TMEM232: variants seen among roughly 807,000 people sequenced by gnomAD.
TMEM232 encodes transmembrane protein 232.
TMEM232 carries 80 observed loss-of-function variants against 78.8 expected under a neutral mutation model. That is an observed-to-expected ratio of 1.01 (90% CI 0.85 to 1.22). The LOEUF (loss-of-function observed/expected upper bound fraction) is 1.22, where lower values mean the gene tolerates loss of function less well. Ranked by LOEUF, TMEM232 falls within the 50% of genes most tolerant of loss-of-function variation. The pLI is 0.00. For synonymous variants in TMEM232, 297 were observed against 254.3 expected (o/e 1.17, Z -1.60); for missense variants, 881 against 742.2 (o/e 1.19, Z -2.17).
chr5:110,588,648 A>T, intron 10 of TMEM232, among the ~76,000 whole-genome samples: 1 of 152,154 alleles, frequency 6.6e-6, no homozygotes, highest in East Asian at 1.9e-4. Context: ...ACAAAATTTA[A>T]GCCCAGGTTT....
In TMEM232 at chr5:110,591,753, G is replaced by A. The variant is rs138049375; in HGVS notation, c.1276+13356C>T. Among the ~76,000 whole-genome samples, 56 of 152,100 alleles carry A rather than the reference G, an allele frequency of 3.7e-4. No individual in the cohort carries two copies. In the East Asian group the frequency reaches 9.9e-3, roughly 27 times the overall value. On this transcript the variant is annotated intron_variant, in intron 10 of 13. Transcript: ENST00000455884. ...CAAAATTAAAATACGGTATGAGTTC[G>A]TTTGACTCCAGATCTGGGTTTTTTT...
At chr5:110,714,957 T>G (rs556162381) in intron 1 of TMEM232, among the ~76,000 whole-genome samples, 2 of 152,292 alleles carry the variant, frequency 1.3e-5, no homozygotes, top group Non-Finnish European at 2.9e-5. Context: ...TAATATCACA[T>G]TCTGTAAAAG....
intron 3 of TMEM232, among the ~76,000 whole-genome samples, chr5:110,394,991 G>C (rs191057148): frequency 6.6e-6 from 1 of 152,180 alleles, no homozygotes; most frequent in African/African-American, 2.4e-5. Flanking sequence ...TTTTGCTTAA[G>C]TCTCAGTGTT....
intron 12 of TMEM232, among the ~76,000 whole-genome samples, chr5:110,513,013 G>A (rs1269909967): frequency 6.6e-6 from 1 of 152,168 alleles, no homozygotes; most frequent in African/African-American, 2.4e-5. Flanking sequence ...TAAAGCTATG[G>A]CAGTGAAAGT....
At position 110,676,858 on chromosome 5, in the gene TMEM232, G is replaced by C. The variant is rs1291833953; in HGVS notation, c.-12-9494C>G. On this transcript the variant is annotated intron_variant, in intron 1 of 13. Coordinates refer to ENST00000455884, the MANE Select transcript of TMEM232 (RefSeq NM_001039763.4). ...ATCGCAACCTCCACCTCCCCGGTTC[G>C]AGCGATTCTCCTGCCTCAGCTTCCC... 2.0e-5 allele frequency among the ~76,000 whole-genome samples: 3 copies of C among 151,558 alleles called. No homozygotes were observed. The South Asian group carries it at 6.2e-4, about 32-fold the overall frequency.
At chr5:110,682,631 A>G (rs1348156871) in intron 1 of TMEM232, among the ~76,000 whole-genome samples, 1 of 152,144 alleles carries the variant, frequency 6.6e-6, no homozygotes, top group African/African-American at 2.4e-5. Context: ...TATATCAGAT[A>G]TGGTTTTTAT....
chr5:110,629,654 C>T (rs936447953), intron 5 of TMEM232, among the ~76,000 whole-genome samples: 1 of 152,090 alleles, frequency 6.6e-6, no homozygotes, highest in African/African-American at 2.4e-5. Context: ...ATCTCTTCTT[C>T]TCTTTTTTTC....
In TMEM232 at chr5:110,568,441, C is replaced by T. The variant is rs1299768722; in HGVS notation, c.1455+6G>A. Reference sequence around the variant, plus strand: ...TACATATTTATTGCCCAGTGTTTTACCTTACCTGAGCTATATTGATTGCAT... The same window carrying T: ...TACATATTTATTGCCCAGTGTTTTATCTTACCTGAGCTATATTGATTGCAT... On this transcript the variant is annotated splice_donor_region_variant and intron_variant, in intron 11 of 13. Transcript: ENST00000455884. 2 of 1,531,828 alleles carry T rather than the reference C, an allele frequency of 1.3e-6. No individual in the cohort carries two copies. The highest frequency in any genetic ancestry group is 1.8e-6 in the Non-Finnish European group (2 of 1,140,140). The allele number at this position is 1,531,828 out of a possible 1,614,324, so 94.9% of individuals were successfully genotyped here.
At chr5:110,428,851 G>T (rs1291274981) in intron 12 of TMEM232, among the ~76,000 whole-genome samples, 1 of 151,674 alleles carries the variant, frequency 6.6e-6, no homozygotes, top group Non-Finnish European at 1.5e-5. Flanking sequence ...ATATTTATAG[G>T]TACAAGGGGT....
chr5:110,612,820 A>T (rs918943916), intron 8 of TMEM232, among the ~76,000 whole-genome samples: 5 of 152,176 alleles, frequency 3.3e-5, no homozygotes, highest in Non-Finnish European at 7.3e-5. Flanking sequence ...TAATAATTCA[A>T]TTATAAACAC....
At chr5:110,551,612 T>C (rs1391656694) in intron 11 of TMEM232, among the ~76,000 whole-genome samples, 3 of 152,170 alleles carry the variant, frequency 2.0e-5, no homozygotes, top group African/African-American at 7.2e-5. Context: ...CAAAGAATTT[T>C]CCAGAACTGA....
chr5:110,577,916 A>G (rs1269100828), intron 10 of TMEM232, among the ~76,000 whole-genome samples: 1 of 151,908 alleles, frequency 6.6e-6, no homozygotes, highest in African/African-American at 2.4e-5. Context: ...TACATAACTA[A>G]TGGGTACTAG....
intron 10 of TMEM232, among the ~76,000 whole-genome samples, chr5:110,574,377 T>G (rs1777330724): frequency 6.6e-6 from 1 of 152,108 alleles, no homozygotes; most frequent in Non-Finnish European, 1.5e-5. Flanking sequence ...AAAGGTACAC[T>G]AAAGAATTAA....
intron 12 of TMEM232, among the ~76,000 whole-genome samples, chr5:110,510,988 T>A (rs1767661827): frequency 6.6e-6 from 1 of 152,170 alleles, no homozygotes; most frequent in Admixed American, 6.5e-5. Context: ...TAAAGACACA[T>A]GCACGTGTAT....
At chr5:110,473,446 G>C (rs1350740718) in intron 12 of TMEM232, among the ~76,000 whole-genome samples, 2 of 151,786 alleles carry the variant, frequency 1.3e-5, no homozygotes, top group Non-Finnish European at 2.9e-5. Context: ...TGCCAAGGAT[G>C]TGAAGAAAAG....
At chr5:110,614,028 A>T (rs1225818107) in intron 8 of TMEM232, among the ~76,000 whole-genome samples, 6 of 152,094 alleles carry the variant, frequency 3.9e-5, no homozygotes. Flanking sequence ...AAAAGATTAA[A>T]TCTTTTCCTT....
At chr5:110,701,468 T>C (rs528262821) in intron 1 of TMEM232, among the ~76,000 whole-genome samples, 2 of 152,122 alleles carry the variant, frequency 1.3e-5, no homozygotes, top group East Asian at 1.9e-4. Flanking sequence ...GAAAATCTTA[T>C]AGGAAAGGAT....
rs541369107 is a variant in TMEM232 at position 110,456,299 on chromosome 5, A to G, written c.1704-31383T>C. On this transcript the variant is annotated intron_variant, in intron 12 of 13. Coordinates refer to ENST00000455884, the MANE Select transcript of TMEM232 (RefSeq NM_001039763.4). Reference sequence around the variant, plus strand: ...AATAATTAGAAATTACAATAAAAAGATATACAACAACAAAAACATAAAATA... The same window carrying G: ...AATAATTAGAAATTACAATAAAAAGGTATACAACAACAAAAACATAAAATA... 3.0e-4 allele frequency among the ~76,000 whole-genome samples: 45 copies of G among 152,262 alleles called. 2 individuals are homozygous for G. The East Asian group carries it at 7.9e-3, about 27-fold the overall frequency.
At chr5:110,443,274 C>T (rs1759267658) in intron 12 of TMEM232, among the ~76,000 whole-genome samples, 1 of 152,160 alleles carries the variant, frequency 6.6e-6, no homozygotes, top group African/African-American at 2.4e-5. Context: ...TCTACTGTGG[C>T]CAAGCTGGCA....
Sources: allele counts gnomAD v4.1 joint callset (sites outside exome capture counted in the v4.1 genomes callset), GRCh38; gene constraint gnomAD v4.1.1; transcripts MANE v1.5; gene names NCBI Gene and HGNC (gene_info 2026-07-23, HGNC 2026-07-21).